Variants in VSIG10 observed in about 807,000 individuals in gnomAD.
VSIG10 encodes the protein V-set and immunoglobulin domain containing 10, also known as V-set and immunoglobulin domain-containing protein 10.
VSIG10 carries 48 observed loss-of-function variants against 58.7 expected under a neutral mutation model. The ratio of observed to expected loss-of-function variants is 0.82; its 90% CI spans 0.65 to 1.04. VSIG10 has a LOEUF of 1.04. Among genes scored for constraint, VSIG10 ranks in the 50% least tolerant of loss-of-function variants. The pLI, the probability that VSIG10 is intolerant of heterozygous loss-of-function variation, is 0.00. For synonymous variants in VSIG10, 260 were observed against 267.1 expected (o/e 0.97, Z 0.26); for missense variants, 628 against 670.0 (o/e 0.94, Z 0.69).
intron 1 of VSIG10, 109 bp from the exon 2 acceptor site, chr12:118,095,923 CT>C (rs1030344556): frequency 0.11 from 81,454 of 745,724 alleles, 1 homozygote; most frequent in East Asian, 0.14. Context: ...GGTATATGTT[CT>C]TTTTTTTTTT....
intron 1 of VSIG10, among the ~76,000 whole-genome samples, chr12:118,099,403 G>A (rs1045366708): frequency 6.6e-6 from 1 of 152,032 alleles, no homozygotes; most frequent in East Asian, 1.9e-4. Context: ...CCTCGGGCTC[G>A]CAAAGTGGTG....
At position 118,065,027 on chromosome 12, in the gene VSIG10, G is replaced by C. The variant is rs746503204; in HGVS notation, c.*1612C>G. ...ACCCTTATAAGGTCCTCGACTTTAA[G>C]AAATTTATATGAAATCGGAAAACTT... is the stretch of plus-strand genomic sequence containing the variant. On this transcript the variant is annotated 3_prime_UTR_variant, in exon 9 of 9. Coordinates refer to ENST00000359236, the MANE Select transcript of VSIG10 (RefSeq NM_019086.6). 7.2e-5 allele frequency: 11 copies of C among 152,174 alleles called. No homozygotes were observed. The highest frequency in any genetic ancestry group is 1.5e-4 in the Non-Finnish European group (10 of 68,028). The allele number at this position is 152,174 out of a possible 1,614,324, so 9.4% of individuals were successfully genotyped here.
rs554461527 is a variant in VSIG10, at chr12:118,087,995, C to T, written c.362-5566G>A. Among the ~76,000 whole-genome samples the T allele has an allele frequency of 1.1e-3, 167 of 152,144 alleles. 1 individual carries two copies. Among genetic ancestry groups the T allele is most frequent in the Non-Finnish European group, 1.9e-3 (132 of 67,988 alleles). On this transcript the variant is annotated intron_variant, in intron 2 of 8. Coordinates refer to ENST00000359236, the MANE Select transcript of VSIG10 (RefSeq NM_019086.6). ...GCGCGGTGGCTCATGCCTGTAATCC[C>T]AGGACTTTGGGAGGCCGAGGCGGGT...
chr12:118,099,517 T>C (rs1263133733), intron 1 of VSIG10, among the ~76,000 whole-genome samples: 1 of 152,044 alleles, frequency 6.6e-6, no homozygotes, highest in Non-Finnish European at 1.5e-5. Flanking sequence ...AAGAAGCAAA[T>C]GCAACCCATT....
chr12:118,076,198 G>A (rs1292977497), intron 4 of VSIG10, among the ~76,000 whole-genome samples: 1 of 152,134 alleles, frequency 6.6e-6, no homozygotes, highest in Non-Finnish European at 1.5e-5. Context: ...AGTCTAGAAC[G>A]TCTTACAAGG....
intron 4 of VSIG10, among the ~76,000 whole-genome samples, chr12:118,076,172 A>G (rs2032718589): frequency 6.6e-6 from 1 of 152,200 alleles, no homozygotes; most frequent in Non-Finnish European, 1.5e-5. Flanking sequence ...TTCTCTTAAC[A>G]GTTGTGGAGG....
At chr12:118,083,474 A>T (rs1210694456) in intron 2 of VSIG10, among the ~76,000 whole-genome samples, 1 of 152,024 alleles carries the variant, frequency 6.6e-6, no homozygotes, top group Non-Finnish European at 1.5e-5. Context: ...GCTACTTGGG[A>T]GGCTGAGGCA....
chr12:118,075,259 C>T (rs9668653), intron 4 of VSIG10, among the ~76,000 whole-genome samples: 31,002 of 151,344 alleles, frequency 0.2, 4,264 homozygotes, highest in African/African-American at 0.39. Context: ...CTACCCATGG[C>T]TTCAGGCATC....
At chr12:118,069,425 CTTT>C (rs34116504) in intron 7 of VSIG10, among the ~76,000 whole-genome samples, 4 of 105,076 alleles carry the variant, frequency 3.8e-5, no homozygotes, top group Non-Finnish European at 5.3e-5. Context: ...TCTTCTTCTT[CTTT>C]TTTTTTTTTT....
At chr12:118,075,106 ATG>A (rs2032661828) in intron 4 of VSIG10, among the ~76,000 whole-genome samples, 1 of 148,732 alleles carries the variant, frequency 6.7e-6, no homozygotes, top group African/African-American at 2.5e-5. Context: ...ATATGTATAT[ATG>A]TGTATATGTA....
Position 118,082,288 on chromosome 12 carries a change from T to G in VSIG10, c.503A>C (p.Gln168Pro), listed in dbSNP as rs776744249. The change falls in exon 3 of 9, where the codon CAG becomes CCG. Residue 168 changes from glutamine to proline, a missense_variant. Gln to Pro is a moderately conservative substitution (Grantham distance 76, BLOSUM62 -1). Transcript: ENST00000359236. ...RPPPVVEWWF[Q>P]ALNSSSESFG... ...GGACTCGCTGCTGGAATTCAGGGCC[T>G]GGAACCACCATTCAACCACGGGTGG... 23 of 1,613,830 alleles carry G rather than the reference T, an allele frequency of 1.4e-5. No individual in the cohort carries two copies. Among genetic ancestry groups the G allele is most frequent in the Non-Finnish European group, 1.9e-5 (23 of 1,179,886 alleles).
At chr12:118,079,204 GAAAA>G in intron 4 of VSIG10, 138 bp downstream of exon 4, 1 of 1,270,732 alleles carries the variant, frequency 7.9e-7, no homozygotes, top group South Asian at 1.6e-5. Context: ...GAAACATAAA[GAAAA>G]AGAAAGGGAG....
rs771320037 is a variant in VSIG10 at position 118,103,710 on chromosome 12, C to T, written c.-39G>A. On this transcript the variant is annotated 5_prime_UTR_variant, in exon 1 of 9. Coordinates refer to ENST00000359236, the MANE Select transcript of VSIG10 (RefSeq NM_019086.6). ...CCGGCTCAGGAAACGCAGGCTCGGG[C>T]TGGGCTGGACGTGTGTGCCCCAGGG... 15 of 1,451,788 alleles carry T rather than the reference C, an allele frequency of 1.0e-5. No homozygotes were observed. The African/African-American group carries it at 2.1e-4, about 20-fold the overall frequency. The allele number at this position is 1,451,788 out of a possible 1,614,324, so 89.9% of individuals were successfully genotyped here. A position where few individuals can be genotyped will look rare whatever the true frequency, so the allele number is the denominator to read the frequency against.
chr12:118,079,902 C>G (rs998525206), intron 3 of VSIG10, among the ~76,000 whole-genome samples: 1 of 152,188 alleles, frequency 6.6e-6, no homozygotes, highest in South Asian at 2.1e-4. Context: ...GGTGCAATCT[C>G]GGCTCACTGT....
At chr12:118,093,016 A>T (rs2033342508) in intron 2 of VSIG10, among the ~76,000 whole-genome samples, 1 of 151,840 alleles carries the variant, frequency 6.6e-6, no homozygotes, top group African/African-American at 2.4e-5. Context: ...TTGGCTGGGC[A>T]TGGTGGCTCA....
chr12:118,078,150 C>T (rs977909061), intron 4 of VSIG10, among the ~76,000 whole-genome samples: 82 of 152,172 alleles, frequency 5.4e-4, no homozygotes, highest in African/African-American at 1.9e-3. Context: ...AAAGTAATTA[C>T]AATTTTTGTC....
At position 118,103,872 on chromosome 12, in the gene VSIG10, G is replaced by A. The variant is rs1019992749; in HGVS notation, c.-201C>T. ...GCAGCGGAGCTCGGCTGCAGGCTCG[G>A]GTCCCCGCTCCCGAGCGCCCTGGCC... On this transcript the variant is annotated 5_prime_UTR_variant, in exon 1 of 9. Transcript: ENST00000359236. 3 of 460,960 alleles carry A rather than the reference G, an allele frequency of 6.5e-6. No homozygotes were observed. The highest frequency in any genetic ancestry group is 1.1e-5 in the Non-Finnish European group (3 of 272,036). The allele number at this position is 460,960 out of a possible 1,614,324, so 28.6% of individuals were successfully genotyped here. A position where few individuals can be genotyped will look rare whatever the true frequency, so the allele number is the denominator to read the frequency against.
At chr12:118,083,174 G>C (rs1230319166) in intron 2 of VSIG10, among the ~76,000 whole-genome samples, 1 of 143,042 alleles carries the variant, frequency 7.0e-6, no homozygotes, top group Non-Finnish European at 1.5e-5. Context: ...AGGCACAGTA[G>C]CTCATGACTG....
intron 4 of VSIG10, among the ~76,000 whole-genome samples, chr12:118,075,176 A>G (rs1324190971): frequency 1.8e-5 from 2 of 108,166 alleles, no homozygotes; most frequent in Non-Finnish European, 3.7e-5. Flanking sequence ...ATATATGTAT[A>G]TATGTGTGTA....
Sources: gnomAD v4.1 joint callset for allele counts (sites outside exome capture counted in the v4.1 genomes callset) on GRCh38, gnomAD v4.1.1 for gene constraint, MANE v1.5 for transcripts, NCBI Gene and HGNC (gene_info 2026-07-23, HGNC 2026-07-21) for gene names.